SRCAP: variants seen among roughly 807,000 people sequenced by gnomAD.
SRCAP encodes chromatin remodeling protein SRCAP.
A neutral mutation model predicts 263.1 loss-of-function variants in SRCAP; 46 were observed. That is an observed-to-expected ratio of 0.17 (90% CI 0.14 to 0.22). SRCAP has a LOEUF of 0.22. SRCAP is among the 10% of genes least tolerant of loss of function. The pLI is 1.00. For synonymous variants in SRCAP, 1,813 were observed against 1,662.1 expected (o/e 1.09, Z -2.21); for missense variants, 3,695 against 4,181.9 (o/e 0.88, Z 3.21).
Position 30,720,725 on chromosome 16 carries a change from A to G in SRCAP, c.3000A>G (p.Pro1000=). The change falls in exon 20 of 34, where the codon CCA becomes CCG. Residue 1000 remains proline (P), a synonymous_variant. Transcript: ENST00000262518. The part of the protein sequence containing the change: ...VKMKVNRMLQ[P]VPKQEGRTVV... ...TTTTTTCTCACAGGATGCTGCAGCC[A>G]GTACCTAAGCAAGAAGGCCGGACAG... 1 of 1,604,800 alleles carries G rather than the reference A, an allele frequency of 6.2e-7. No homozygotes were observed. Among genetic ancestry groups the G allele is most frequent in the South Asian group, 1.1e-5 (1 of 90,308 alleles).
rs778407188 is a variant in SRCAP, at chr16:30,723,207, C to T, written c.4137C>T (p.His1379=). Residue 1379 remains histidine (H), a synonymous_variant, in exon 24 of 34, where the codon CAC becomes CAT. Transcript: ENST00000262518. The part of the protein sequence containing the change: ...TLVRPLLKLV[H]SPSPEVSASA... ...TGAGGCCTCTTCTCAAGCTGGTCCA[C>T]AGTCCTTCACCTGAAGTCAGTGGTG... 6 of 1,612,486 alleles carry T rather than the reference C, an allele frequency of 3.7e-6. No homozygotes were observed. In the Admixed American group the frequency reaches 6.7e-5, roughly 18 times the overall value.
intron 6 of SRCAP, 53 bp from the exon 7 acceptor site, chr16:30,709,460 T>A (rs2052864679): frequency 6.3e-7 from 1 of 1,595,360 alleles, no homozygotes; most frequent in Non-Finnish European, 8.6e-7. Context: ...CGGGTAAAAG[T>A]ACATAAATAA....
At chr16:30,717,912 G>GATTTTTT (rs2052968895) in intron 18 of SRCAP, among the ~76,000 whole-genome samples, 1 of 146,222 alleles carries the variant, frequency 6.8e-6, no homozygotes, top group African/African-American at 2.5e-5. Context: ...CGGCCCTGCT[G>GATTTTTT]ATTTTTTTTT....
In SRCAP at chr16:30,716,202, C is replaced by T. The variant is rs779239588; in HGVS notation, c.2630C>T (p.Thr877Ile). 1 of 1,614,024 alleles carries T rather than the reference C, an allele frequency of 6.2e-7. No individual in the cohort carries two copies. The highest frequency in any genetic ancestry group is 8.5e-7 in the Non-Finnish European group (1 of 1,179,950). The part of the protein sequence containing the change: ...CLYDDFMAQT[T>I]TKETLATGHF... ...TATGATGACTTCATGGCACAGACCA[C>T]GTAAGGGAGGAAGGAGGGTGGGCCC... The change falls in exon 17 of 34, where the codon ACA becomes ATA. Residue 877 changes from threonine to isoleucine, a missense_variant and splice_region_variant. Thr to Ile is a moderately conservative substitution (Grantham distance 89). Coordinates refer to ENST00000262518, the MANE Select transcript of SRCAP (RefSeq NM_006662.3).
At chr16:30,725,274 G>A (rs1353771090) in intron 25 of SRCAP, 192 bp downstream of exon 25, 4 of 1,218,584 alleles carry the variant, frequency 3.3e-6, no homozygotes, top group South Asian at 3.5e-5. Context: ...GCCTGCCTCA[G>A]CCTCCTGAAG....
intron 4 of SRCAP, 94 bp from the exon 5 acceptor site, chr16:30,707,089 A>ATAAG: frequency 7.7e-7 from 1 of 1,291,188 alleles, no homozygotes. Flanking sequence ...TAAGCATAAC[A>ATAAG]CACTCAGCCC....
chr16:30,701,157 C>A (rs186687661), intron 3 of SRCAP, among the ~76,000 whole-genome samples: 3 of 152,218 alleles, frequency 2.0e-5, no homozygotes, highest in Admixed American at 1.3e-4. Context: ...TAATACCATA[C>A]GCTTTAAGAA....
chr16:30,699,462 A>G (rs1217720545), intron 1 of SRCAP, among the ~76,000 whole-genome samples: 3 of 152,106 alleles, frequency 2.0e-5, no homozygotes, highest in African/African-American at 7.2e-5. Flanking sequence ...AAGTGTCTCA[A>G]GGCGCAGGTA....
At chr16:30,708,892 T>C (rs1596644681) in intron 6 of SRCAP, among the ~76,000 whole-genome samples, 1 of 148,948 alleles carries the variant, frequency 6.7e-6, no homozygotes, top group East Asian at 2.0e-4. Flanking sequence ...AATCTGGGCT[T>C]ACTGCAACCT....
In SRCAP at chr16:30,712,269, C is replaced by T. The variant is rs2052900274; in HGVS notation, c.1823C>T (p.Thr608Met). The T allele has an allele frequency of 1.9e-6, 3 of 1,594,708 alleles. No individual in the cohort carries two copies. The highest frequency in any genetic ancestry group is 2.6e-6 in the Non-Finnish European group (3 of 1,170,330). ...GYTLATTQVK[T>M]PIPLLLRGQL... ...ATATTTCCTCTCTGACAGGTAAAGA[C>T]GCCCATTCCCCTGCTTCTGCGGGGC... Residue 608 changes from threonine (T) to methionine (M), a missense_variant, in exon 13 of 34, where the codon ACG becomes ATG. By Grantham distance (81) the Thr-to-Met change is moderately conservative. This residue lies in a region of SRCAP where 121 missense variants were observed against 330.7 expected (regional missense o/e 0.37). Coordinates refer to ENST00000262518, the MANE Select transcript of SRCAP (RefSeq NM_006662.3).
At position 30,724,791 on chromosome 16, in the gene SRCAP, C is replaced by G. The variant is rs2053047144; in HGVS notation, c.5367C>G (p.Thr1789=). 3 of 1,613,584 alleles carry G rather than the reference C, an allele frequency of 1.9e-6. No homozygotes were observed. Among genetic ancestry groups the G allele is most frequent in the Non-Finnish European group, 1.7e-6 (2 of 1,179,704 alleles). Reference sequence around the variant, plus strand: ...CCCCAGCTTCAGTGCAGACACTGACCTTGAGCCCTGCCCCAGTTCCTACCC... The same window carrying G: ...CCCCAGCTTCAGTGCAGACACTGACGTTGAGCCCTGCCCCAGTTCCTACCC... The part of the protein sequence containing the change: ...LLAPASVQTL[T]LSPAPVPTLG... The change falls in exon 25 of 34, where the codon ACC becomes ACG. Residue 1789 remains threonine (T), a synonymous_variant. Coordinates refer to ENST00000262518, the MANE Select transcript of SRCAP (RefSeq NM_006662.3).
Position 30,711,732 on chromosome 16 carries a change from A to G in SRCAP, c.1480A>G (p.Ser494Gly). ...GGAAGAGCCTCCTCAGGAGGATAGTAGCAGTCAGTCAGGTGAATATGTGGT... is the reference window on the plus strand; with the variant it reads ...GGAAGAGCCTCCTCAGGAGGATAGTGGCAGTCAGTCAGGTGAATATGTGGT... Reference protein sequence around the residue: ...EAEEPPQEDSSSQSDSVEDRS... With the variant: ...EAEEPPQEDSGSQSDSVEDRS... Residue 494 changes from serine to glycine, a missense_variant, in exon 11 of 34, where the codon AGC (serine) becomes GGC (glycine). This residue lies in a region of SRCAP where 288 missense variants were observed against 302.4 expected (regional missense o/e 0.95). Coordinates refer to ENST00000262518, the MANE Select transcript of SRCAP (RefSeq NM_006662.3). 1 of 1,613,038 alleles carries G rather than the reference A, an allele frequency of 6.2e-7. No homozygotes were observed. The highest frequency in any genetic ancestry group is 8.5e-7 in the Non-Finnish European group (1 of 1,179,454).
chr16:30,714,846 T>G (rs1053259903), intron 16 of SRCAP, among the ~76,000 whole-genome samples: 44 of 152,112 alleles, frequency 2.9e-4, no homozygotes, highest in African/African-American at 9.7e-4. Context: ...GATGTTTTTG[T>G]CCTTACTGTC....
chr16:30,723,125 G>A lies in SRCAP; in HGVS notation c.4055G>A (p.Arg1352Gln), dbSNP rs748845038. The A allele has an allele frequency of 1.7e-5, 27 of 1,613,872 alleles. No individual in the cohort carries two copies. The Admixed American group carries it at 2.0e-4, about 12-fold the overall frequency. ...CCACGCCCCACGTTAACCCCTGGCC[G>A]GCTACCCACACCTACTCTGGGTACT... ...LNPRPTLTPGRLPTPTLGTAR... is the reference protein window; with the variant it reads ...LNPRPTLTPGQLPTPTLGTAR... The change falls in exon 24 of 34, where the codon CGG becomes CAG. Residue 1352 changes from arginine to glutamine, a missense_variant. By Grantham distance (43) the Arg-to-Gln change is conservative. Transcript: ENST00000262518.
intron 4 of SRCAP, among the ~76,000 whole-genome samples, chr16:30,706,105 C>T (rs952835260): frequency 6.6e-6 from 1 of 152,138 alleles, no homozygotes; most frequent in African/African-American, 2.4e-5. Context: ...CCATTTAGTC[C>T]TGTCTGGTCT....
rs1567237701 is a variant in SRCAP, at chr16:30,699,236, G to T, written c.-290G>T. ...TGAAGTCAAGAGTTAAGGCTTGTTG[G>T]CTTCTGGTGAGCTCGGGTCTTGGGA... On this transcript the variant is annotated 5_prime_UTR_variant, in exon 1 of 34. Transcript: ENST00000262518. 9 of 398,712 alleles carry T rather than the reference G, an allele frequency of 2.3e-5. No homozygotes were observed. Among genetic ancestry groups the T allele is most frequent in the Non-Finnish European group, 4.4e-6 (1 of 226,132 alleles). 24.7% of individuals were successfully genotyped at this position (398,712 alleles called of 1,614,324 possible).
At position 30,729,058 on chromosome 16, in the gene SRCAP, G is replaced by T. The variant is rs967858615; in HGVS notation, c.5751G>T (p.Val1917=). ...LSEAHGALAP[V]YGTEVLDFCT... ...AGGCTCATGGGGCCCTGGCACCTGT[G>T]TATGGGACTGAAGTCCTGGATTTCT... Residue 1917 remains valine, a synonymous_variant, in exon 26 of 34, where the codon GTG becomes GTT. Transcript: ENST00000262518. The T allele has an allele frequency of 4.3e-6, 7 of 1,614,108 alleles. No individual in the cohort carries two copies. The African/African-American group carries it at 9.3e-5, about 22-fold the overall frequency.
intron 25 of SRCAP, 21 bp from the exon 26 acceptor site, chr16:30,728,945 C>A (rs755982185): frequency 6.3e-7 from 1 of 1,599,716 alleles, no homozygotes; most frequent in Non-Finnish European, 8.5e-7. Flanking sequence ...TGATTACTTC[C>A]TCTTTTTCTC....
intron 3 of SRCAP, among the ~76,000 whole-genome samples, chr16:30,702,566 CT>C (rs2052778443): frequency 2.3e-5 from 3 of 130,982 alleles, no homozygotes; most frequent in Non-Finnish European, 5.0e-5. Context: ...CCCTCCCTCC[CT>C]TCCCTCCCTC....
Sources: gnomAD v4.1 joint callset for allele counts (sites outside exome capture counted in the v4.1 genomes callset) on GRCh38, gnomAD v4.1.1 for gene constraint, gnomAD v4.1.1 regional missense constraint, MANE v1.5 for transcripts, NCBI Gene and HGNC (gene_info 2026-07-23, HGNC 2026-07-21) for gene names.